COL14A1: variants seen among roughly 807,000 people sequenced by gnomAD.
COL14A1 encodes collagen alpha-1(XIV) chain.
COL14A1 carries 136 observed loss-of-function variants against 230.3 expected under a neutral mutation model. The observed-to-expected ratio is 0.59, with a 90% CI of 0.51 to 0.68. The LOEUF (loss-of-function observed/expected upper bound fraction) is 0.68. Ranked by LOEUF, COL14A1 falls within the 30% of genes least tolerant of loss-of-function variation. The probability of loss-of-function intolerance (pLI) is 0.00; values close to 1 mark genes in which losing one functional copy is unlikely to be tolerated. For missense variants in COL14A1, 1,976 were observed against 2,215.8 expected (o/e 0.89, Z 2.17); for synonymous variants, 792 against 784.1 (o/e 1.01, Z -0.17).
At chr8:120,186,918 C>G (rs909699739) in intron 5 of COL14A1, among the ~76,000 whole-genome samples, 7 of 152,096 alleles carry the variant, frequency 4.6e-5, no homozygotes, top group African/African-American at 2.4e-5. Context: ...GAAATGGAAG[C>G]CAGTCATAAT....
rs766432787 is a variant in COL14A1, at chr8:120,247,727, C to T, written c.2594C>T (p.Pro865Leu). 1.9e-5 allele frequency: 31 copies of T among 1,613,926 alleles called. No individual in the cohort carries two copies. Among genetic ancestry groups the T allele is most frequent in the Non-Finnish European group, 2.3e-5 (27 of 1,179,926 alleles). Residue 865 changes from proline (P) to leucine (L), a missense_variant, in exon 21 of 48, where the codon CCT (proline) becomes CTT (leucine). Physicochemically the swap from Pro to Leu is moderately conservative, Grantham distance 98. Around this residue, in one of 3 missense-constraint regions of COL14A1, gnomAD observed 1,791 missense variants for 2,019.5 expected, o/e 0.89. Transcript: ENST00000297848. ...PVKGYRIVYK[P>L]VSVPGPTLET... is the part of the protein sequence containing the mutation. Reference sequence around the variant, plus strand: ...AAAGGCTATAGAATTGTCTACAAACCTGTCAGTGGTAAGTAATGCTTTGTA... The same window carrying T: ...AAAGGCTATAGAATTGTCTACAAACTTGTCAGTGGTAAGTAATGCTTTGTA...
Position 120,212,244 on chromosome 8 carries a change from C to T in COL14A1, c.1468-204C>T, listed in dbSNP as rs16893664. The stretch of plus-strand genomic sequence containing the variant: ...CTAACACAGTTCACATGGTACTTTT[C>T]GACTTATATGGTTCCATAATATCTG... On this transcript the variant is annotated intron_variant, in intron 12 of 47. Transcript: ENST00000297848. 3.0e-3 allele frequency among the ~76,000 whole-genome samples: 453 copies of T among 152,268 alleles called. 5 individuals carry two copies. Among genetic ancestry groups the T allele is most frequent in the African/African-American group, 9.7e-3 (405 of 41,548 alleles).
intron 23 of COL14A1, among the ~76,000 whole-genome samples, chr8:120,258,470 G>A (rs930612690): frequency 6.6e-5 from 10 of 152,194 alleles, no homozygotes; most frequent in African/African-American, 2.2e-4. Flanking sequence ...TTCCACCCCT[G>A]TATCTGGTGG....
intron 25 of COL14A1, among the ~76,000 whole-genome samples, chr8:120,268,389 A>G (rs529705265): frequency 2.6e-5 from 4 of 151,532 alleles, no homozygotes; most frequent in Non-Finnish European, 5.9e-5. Context: ...ATATTACAGA[A>G]TGCTCTGTAA....
intron 45 of COL14A1, among the ~76,000 whole-genome samples, chr8:120,355,656 C>T (rs191739561): frequency 7.9e-5 from 12 of 151,844 alleles, no homozygotes; most frequent in Admixed American, 5.2e-4. Context: ...CAACTGACAA[C>T]CCCCCCACCC....
chr8:120,267,462 G>T (rs1260308991), intron 25 of COL14A1, among the ~76,000 whole-genome samples: 3 of 151,916 alleles, frequency 2.0e-5, no homozygotes, highest in Non-Finnish European at 4.4e-5. Context: ...TAGTATTAAA[G>T]AGAAATAGGT....
At chr8:120,191,537 G>A (rs1186182394) in intron 5 of COL14A1, among the ~76,000 whole-genome samples, 16 of 151,660 alleles carry the variant, frequency 1.1e-4, no homozygotes, top group African/African-American at 3.6e-4. Flanking sequence ...TTGGGGTGGA[G>A]AGTTCTGTAG....
chr8:120,166,875 AGTGTGTGTGTGTGTGTGTGTGTGTGT>A (rs4053270), intron 4 of COL14A1, among the ~76,000 whole-genome samples: 7 of 117,062 alleles, frequency 6.0e-5, no homozygotes, highest in South Asian at 3.4e-4. Flanking sequence ...AAAGAATTTA[AGTGTGTGTGTGTGTGTGTGTGTGTGT>A]GTGTGTGTGT....
intron 35 of COL14A1, 56 bp downstream of exon 35, chr8:120,297,644 A>C: frequency 9.6e-7 from 1 of 1,047,068 alleles, no homozygotes; most frequent in Non-Finnish European, 1.3e-6. Flanking sequence ...AATTTTCTGG[A>C]AATGAGAAGC....
At chr8:120,160,890 TTTTG>T (rs897560044) in intron 3 of COL14A1, among the ~76,000 whole-genome samples, 9 of 152,348 alleles carry the variant, frequency 5.9e-5, no homozygotes, top group East Asian at 3.9e-4. Flanking sequence ...TTAAAGCTTT[TTTTG>T]TTTGTTTGTT....
intron 34 of COL14A1, among the ~76,000 whole-genome samples, chr8:120,294,318 C>T (rs1344346021): frequency 6.6e-6 from 1 of 151,572 alleles, no homozygotes; most frequent in African/African-American, 2.4e-5. Context: ...GCCTTTTGTG[C>T]TATACCAGGC....
chr8:120,207,150 A>G, intron 10 of COL14A1, 56 bp downstream of exon 10: 1 of 1,421,936 alleles, frequency 7.0e-7, no homozygotes, highest in Non-Finnish European at 9.6e-7. Flanking sequence ...AGTCTTCTAC[A>G]ATAGTGAGAA....
chr8:120,333,061 A>G (rs1042314205), intron 42 of COL14A1, among the ~76,000 whole-genome samples: 1 of 152,252 alleles, frequency 6.6e-6, no homozygotes, highest in African/African-American at 2.4e-5. Flanking sequence ...GTGTTAATCA[A>G]GCTGGGTTCC....
intron 34 of COL14A1, among the ~76,000 whole-genome samples, chr8:120,291,372 T>A (rs1027110540): frequency 6.6e-6 from 1 of 151,662 alleles, no homozygotes; most frequent in Non-Finnish European, 1.5e-5. Flanking sequence ...CCGTCCTGTC[T>A]AACATGGTGA....
chr8:120,315,369 TAAAAAAA>T lies in COL14A1; in HGVS notation c.4552-146_4552-140del, dbSNP rs56356824. On this transcript the variant is annotated intron_variant, in intron 38 of 47. Transcript: ENST00000297848. ...TGGGCAACAAGAGCAAGACTCCATT[TAAAAAAA>T]AAAAAAAAAAAAAAAAAGTGTATAT... 1.6e-4 allele frequency among the ~76,000 whole-genome samples: 18 copies of T among 111,846 alleles called. No homozygotes were observed. In the East Asian group the frequency reaches 2.0e-3, roughly 13 times the overall value. 73.4% of individuals were successfully genotyped at this position (111,846 alleles called of 152,430 possible). A position where few individuals can be genotyped will look rare whatever the true frequency, so the allele number is the denominator to read the frequency against.
intron 40 of COL14A1, among the ~76,000 whole-genome samples, chr8:120,319,627 A>C (rs1334377330): frequency 6.6e-6 from 1 of 152,222 alleles, no homozygotes; most frequent in Non-Finnish European, 1.5e-5. Flanking sequence ...GAGAGATCTT[A>C]ACAAATAATA....
intron 5 of COL14A1, among the ~76,000 whole-genome samples, chr8:120,190,709 C>T (rs1056577369): frequency 6.6e-6 from 1 of 152,138 alleles, no homozygotes; most frequent in African/African-American, 2.4e-5. Context: ...TTGATTATTG[C>T]CACAATTTCA....
At chr8:120,238,865 T>C (rs1456797770) in intron 19 of COL14A1, among the ~76,000 whole-genome samples, 1 of 152,036 alleles carries the variant, frequency 6.6e-6, no homozygotes, top group African/African-American at 2.4e-5. Context: ...GGGAGGGAGT[T>C]CCCCAACTCT....
chr8:120,363,265 T>A (rs1376910567), intron 45 of COL14A1, among the ~76,000 whole-genome samples: 1 of 152,182 alleles, frequency 6.6e-6, no homozygotes, highest in Admixed American at 6.5e-5. Context: ...AATGAGATCA[T>A]GTACTTTGCA....
Sources: allele counts gnomAD v4.1 joint callset (sites outside exome capture counted in the v4.1 genomes callset), GRCh38; gene constraint gnomAD v4.1.1; regional missense constraint gnomAD v4.1.1; transcripts MANE v1.5; gene names NCBI Gene and HGNC (gene_info 2026-07-23, HGNC 2026-07-21).